TAS2R1: variants seen among roughly 807,000 people sequenced by gnomAD.
The protein encoded by TAS2R1 is taste receptor type 2 member 1.
For synonymous variants in TAS2R1, 141 were observed against 134.2 expected, an observed-to-expected ratio of 1.05 and a Z score of -0.35; for missense variants, 370 against 353.4, an observed-to-expected ratio of 1.05 and a Z score of -0.38.
chr5:9,849,717 G>A, the TAS2R1 span, among the ~76,000 whole-genome samples: 1 of 152,112 alleles, frequency 6.6e-6, no homozygotes. Flanking sequence ...ATACTACCTG[G>A]TCCACTTAAA....
At chr5:9,775,313 T>C in the TAS2R1 span, among the ~76,000 whole-genome samples, 1 of 152,194 alleles carries the variant, frequency 6.6e-6, no homozygotes, top group African/African-American at 2.4e-5. Context: ...GGCCTGGGAC[T>C]CTTCCTTCAG....
At chr5:9,640,876 G>A (rs982891086) in intron 2 of TAS2R1, among the ~76,000 whole-genome samples, 2 of 152,164 alleles carry the variant, frequency 1.3e-5, no homozygotes, top group African/African-American at 4.8e-5. Context: ...ATATTAGCAA[G>A]CCACTTAGAA....
At chr5:9,687,238 G>A (rs910484591) in intron 1 of TAS2R1, among the ~76,000 whole-genome samples, 1 of 152,172 alleles carries the variant, frequency 6.6e-6, no homozygotes, top group African/African-American at 2.4e-5. Flanking sequence ...CCAAAGTGCT[G>A]GGATTACAGG....
chr5:9,638,836 T>C lies in TAS2R1; in HGVS notation c.-80-8844A>G, dbSNP rs80309290. Among the ~76,000 whole-genome samples the C allele has an allele frequency of 2.2e-3, 335 of 152,162 alleles. 2 individuals are homozygous for C. The highest frequency in any genetic ancestry group is 7.8e-3 in the African/African-American group (323 of 41,502). On this transcript the variant is annotated intron_variant, in intron 2 of 2. Coordinates refer to the TAS2R1 transcript ENST00000506620. ...ATGGAGGTGGTGGTTCTCAGGCCAATGGGGATATATTCCAGAGAGAATCTT... is the reference window on the plus strand; with the variant it reads ...ATGGAGGTGGTGGTTCTCAGGCCAACGGGGATATATTCCAGAGAGAATCTT...
At chr5:9,824,844 GAA>G in the TAS2R1 span, among the ~76,000 whole-genome samples, 591 of 132,704 alleles carry the variant, frequency 4.5e-3, 4 homozygotes, top group African/African-American at 0.015. Context: ...TGAAAACTCT[GAA>G]AAAAAAAAAA....
the TAS2R1 span, among the ~76,000 whole-genome samples, chr5:9,861,790 C>T: frequency 1.3e-5 from 2 of 152,158 alleles, no homozygotes; most frequent in African/African-American, 4.8e-5. Context: ...TGGGTTTGTA[C>T]AGAGAAGCAG....
At chr5:9,664,178 T>C (rs1421454086) in intron 1 of TAS2R1, among the ~76,000 whole-genome samples, 5 of 152,158 alleles carry the variant, frequency 3.3e-5, no homozygotes, top group African/African-American at 1.2e-4. Flanking sequence ...ACCTCTTCTA[T>C]ATTGGCACTC....
At chr5:9,808,668 A>C in the TAS2R1 span, among the ~76,000 whole-genome samples, 1 of 152,158 alleles carries the variant, frequency 6.6e-6, no homozygotes, top group African/African-American at 2.4e-5. Flanking sequence ...AAACAGAGAA[A>C]ATGAGACAGA....
At chr5:9,715,255 T>C (rs913189142), upstream of TAS2R1, among the ~76,000 whole-genome samples, 1 of 152,146 alleles carries the variant, frequency 6.6e-6, no homozygotes, top group Non-Finnish European at 1.5e-5. Flanking sequence ...CTATTCTGAA[T>C]AATTCTGAAG....
chr5:9,844,388 A>G, the TAS2R1 span, among the ~76,000 whole-genome samples: 2 of 152,072 alleles, frequency 1.3e-5, no homozygotes, highest in Non-Finnish European at 2.9e-5. Flanking sequence ...CACATTTTTC[A>G]GTTCTTTATA....
chr5:9,731,221 C>T, the TAS2R1 span, among the ~76,000 whole-genome samples: 6,598 of 152,110 alleles, frequency 0.043, 173 homozygotes, highest in Non-Finnish European at 0.064. Context: ...TCCCCTCCTT[C>T]CCCACCACAC....
Position 9,681,615 on chromosome 5 carries a change from T to A in TAS2R1, c.-241-22034A>T, listed in dbSNP as rs571247256. 2.6e-5 allele frequency among the ~76,000 whole-genome samples: 4 copies of A among 151,180 alleles called. No homozygotes were observed. The South Asian group carries it at 8.4e-4, about 32-fold the overall frequency. ...CTGCATGACATTCCATTATCCTAGA[T>A]CTCTCTCAGAAAATGGCTTATCTTT... is the stretch of plus-strand genomic sequence containing the variant. On this transcript the variant is annotated intron_variant, in intron 1 of 2. Coordinates refer to the TAS2R1 transcript ENST00000506620.
the TAS2R1 span, among the ~76,000 whole-genome samples, chr5:9,827,814 A>G: frequency 6.6e-6 from 1 of 152,204 alleles, no homozygotes; most frequent in South Asian, 2.1e-4. Context: ...CAAATTAAGT[A>G]TCAGGTAAAT....
At chr5:9,812,541 C>CA in the TAS2R1 span, among the ~76,000 whole-genome samples, 6 of 151,660 alleles carry the variant, frequency 4.0e-5, no homozygotes, top group South Asian at 2.1e-4. Flanking sequence ...TGAAATGGCC[C>CA]AAAAAAAGTC....
the TAS2R1 span, among the ~76,000 whole-genome samples, chr5:9,794,369 A>G: frequency 6.6e-6 from 1 of 152,132 alleles, no homozygotes; most frequent in Non-Finnish European, 1.5e-5. Flanking sequence ...AGGGATATAA[A>G]AGGATTCAGA....
chr5:9,880,243 A>T, the TAS2R1 span, among the ~76,000 whole-genome samples: 1 of 152,182 alleles, frequency 6.6e-6, no homozygotes, highest in Non-Finnish European at 1.5e-5. Context: ...TGTTATGCTG[A>T]GCTCTGGAGC....
chr5:9,721,077 CT>C, the TAS2R1 span, among the ~76,000 whole-genome samples: 1 of 152,202 alleles, frequency 6.6e-6, no homozygotes, highest in Non-Finnish European at 1.5e-5. Flanking sequence ...ACCTGCTTAC[CT>C]ATATAAATAG....
the TAS2R1 span, among the ~76,000 whole-genome samples, chr5:9,775,398 T>C: frequency 6.6e-6 from 1 of 152,096 alleles, no homozygotes; most frequent in African/African-American, 2.4e-5. Flanking sequence ...CTGGGGACCC[T>C]GAGATCCTAC....
the TAS2R1 span, among the ~76,000 whole-genome samples, chr5:9,769,516 T>C: frequency 6.6e-6 from 1 of 152,206 alleles, no homozygotes; most frequent in Non-Finnish European, 1.5e-5. Flanking sequence ...TTGTACTAAT[T>C]TACATTCTCA....
Sources: allele counts gnomAD v4.1 joint callset (sites outside exome capture counted in the v4.1 genomes callset), GRCh38; gene constraint gnomAD v4.1.1; transcripts MANE v1.5; gene names NCBI Gene and HGNC (gene_info 2026-07-23, HGNC 2026-07-21).